The following PDE12 variants were observed in gnomAD, a reference collection of about 807,000 sequenced individuals.
The protein encoded by PDE12 is 2',5'-phosphodiesterase 12.
PDE12 carries 26 observed loss-of-function variants against 45.4 expected under a neutral mutation model. The observed-to-expected ratio is 0.57, with a 90% confidence interval of 0.42 to 0.79. The LOEUF is 0.79. Among genes scored for constraint, PDE12 ranks in the 30% least tolerant of loss-of-function variants. PDE12 has a pLI of 0.00. For synonymous variants in PDE12, 283 were observed against 323.9 expected (o/e 0.87, Z 1.36); for missense variants, 668 against 790.0 (o/e 0.85, Z 1.85).
chr3:57,603,926 A>ATTT, the PDE12 span, among the ~76,000 whole-genome samples: 1 of 125,514 alleles, frequency 8.0e-6, no homozygotes, highest in Non-Finnish European at 1.7e-5. Flanking sequence ...CCAGCCCAGA[A>ATTT]TTTTTTTTTT....
At chr3:57,654,960 A>C in the PDE12 span, 2 of 253,288 alleles carry the variant, frequency 7.9e-6, no homozygotes, top group African/African-American at 4.6e-5. Flanking sequence ...ATTAGATATT[A>C]AATGCTTGAT....
Position 57,557,015 on chromosome 3 carries a change from C to T in PDE12, c.636C>T (p.Val212=). The T allele has an allele frequency of 1.2e-6, 2 of 1,614,112 alleles. No homozygotes were observed. The highest frequency in any genetic ancestry group is 1.7e-6 in the Non-Finnish European group (2 of 1,180,018). Residue 212 remains valine (V), a synonymous_variant, in exon 1 of 3, where the codon GTC becomes GTT. Transcript: ENST00000311180. ...KPGAAEPEVG[V]PSSLSPSSPS... Reference sequence around the variant, plus strand: ...GAGCGGCGGAGCCCGAGGTCGGTGTCCCCTCGTCATTGTCTCCCTCCTCAC... The same window carrying T: ...GAGCGGCGGAGCCCGAGGTCGGTGTTCCCTCGTCATTGTCTCCCTCCTCAC...
rs2069738917 is a variant in PDE12 at position 57,562,594 on chromosome 3, A to T, written c.*2590A>T. 1 of 152,210 alleles carries T rather than the reference A, an allele frequency of 6.6e-6. No homozygotes were observed. Among genetic ancestry groups the T allele is most frequent in the South Asian group, 2.1e-4 (1 of 4,834 alleles). 9.4% of individuals were successfully genotyped at this position (152,210 alleles called of 1,614,324 possible). On this transcript the variant is annotated 3_prime_UTR_variant, in exon 3 of 3. Coordinates refer to ENST00000311180, the MANE Select transcript of PDE12 (RefSeq NM_177966.7). ...TTTTAGTACATTTAATTTTAAGAAAACATGGGAAATCTAGCGACTTTCTAT... is the reference window on the plus strand; with the variant it reads ...TTTTAGTACATTTAATTTTAAGAAATCATGGGAAATCTAGCGACTTTCTAT...
chr3:57,556,369 C>A lies in PDE12; in HGVS notation c.-11C>A, dbSNP rs771330380. On this transcript the variant is annotated 5_prime_UTR_variant, in exon 1 of 3. Coordinates refer to ENST00000311180, the MANE Select transcript of PDE12 (RefSeq NM_177966.7). This position sits in a 1 kb window ranked among gnomAD's most constrained non-coding sequence, Gnocchi z 5.0. ...GCCGCGGGTCTTGTCGACCGCTAGG[C>A]CACCAGGTTCATGTGGAGGCTCCCA... The A allele has an allele frequency of 6.4e-7, 1 of 1,553,564 alleles. No individual in the cohort carries two copies. The highest frequency in any genetic ancestry group is 1.2e-5 in the South Asian group (1 of 85,918).
At chr3:57,570,718 T>C (rs1478975296), downstream of PDE12, among the ~76,000 whole-genome samples, 3 of 152,160 alleles carry the variant, frequency 2.0e-5, no homozygotes, top group Admixed American at 1.3e-4. Flanking sequence ...GGTATACCTT[T>C]GTATGAATTA....
the PDE12 span, chr3:57,597,285 C>A: frequency 2.8e-6 from 2 of 726,452 alleles, 1 homozygote; most frequent in South Asian, 3.6e-5. Context: ...GTCTCAGTGG[C>A]CCCTGTGCCG....
chr3:57,558,079 AC>A (rs2069686307), intron 1 of PDE12, among the ~76,000 whole-genome samples: 1 of 152,180 alleles, frequency 6.6e-6, no homozygotes, highest in African/African-American at 2.4e-5. Context: ...ATAAATATAA[AC>A]TAGTTTTTTT....
At chr3:57,576,633 G>A in the PDE12 span, among the ~76,000 whole-genome samples, 121 of 151,682 alleles carry the variant, frequency 8.0e-4, 1 homozygote, top group African/African-American at 2.4e-3. Flanking sequence ...ATCTTAGGAG[G>A]AATGAACAAG....
the PDE12 span, among the ~76,000 whole-genome samples, chr3:57,650,946 G>A: frequency 7.2e-5 from 11 of 151,918 alleles, no homozygotes; most frequent in East Asian, 1.9e-4. Flanking sequence ...CACCACACCC[G>A]GCTAGTTTTG....
chr3:57,609,387 G>C, the PDE12 span, among the ~76,000 whole-genome samples: 1 of 152,114 alleles, frequency 6.6e-6, no homozygotes, highest in African/African-American at 2.4e-5. Context: ...ACTAAGATCA[G>C]AGCAGAACTG....
the PDE12 span, among the ~76,000 whole-genome samples, chr3:57,615,485 A>G: frequency 6.6e-6 from 1 of 152,156 alleles, no homozygotes; most frequent in Non-Finnish European, 1.5e-5. Flanking sequence ...TTAAAACCAA[A>G]GTAAACAAAA....
the PDE12 span, among the ~76,000 whole-genome samples, chr3:57,581,652 T>C: frequency 1.3e-5 from 2 of 152,002 alleles, no homozygotes; most frequent in African/African-American, 4.8e-5. Flanking sequence ...AATACAAAAT[T>C]AGCCAGGTGT....
At chr3:57,602,896 C>T in the PDE12 span, among the ~76,000 whole-genome samples, 5 of 152,116 alleles carry the variant, frequency 3.3e-5, no homozygotes, top group African/African-American at 1.2e-4. Flanking sequence ...ATAAAAGTTT[C>T]CCAGTTAGGC....
chr3:57,611,074 T>A, the PDE12 span, among the ~76,000 whole-genome samples: 1 of 151,884 alleles, frequency 6.6e-6, no homozygotes, highest in African/African-American at 2.4e-5. Flanking sequence ...CCCTCAGAAA[T>A]AATACACATC....
At chr3:57,592,366 T>TA in the PDE12 span, among the ~76,000 whole-genome samples, 1 of 152,038 alleles carries the variant, frequency 6.6e-6, no homozygotes, top group African/African-American at 2.4e-5. Context: ...AGGGGGCCTG[T>TA]AATCCCAGCT....
At chr3:57,590,124 TAAA>T in the PDE12 span, among the ~76,000 whole-genome samples, 5 of 145,744 alleles carry the variant, frequency 3.4e-5, no homozygotes, top group East Asian at 1.0e-3. Context: ...AATAAATAAA[TAAA>T]TAAATAAAAC....
At chr3:57,614,990 C>G in the PDE12 span, among the ~76,000 whole-genome samples, 1 of 142,856 alleles carries the variant, frequency 7.0e-6, no homozygotes, top group Admixed American at 7.2e-5. Context: ...GGGACTGTGT[C>G]TCAAAAAAAA....
chr3:57,577,479 C>T, the PDE12 span: 1 of 934,522 alleles, frequency 1.1e-6, no homozygotes, highest in Non-Finnish European at 1.7e-6. Context: ...AATGGTTAGA[C>T]ATTAGGAAGA....
At chr3:57,613,574 G>A in the PDE12 span, among the ~76,000 whole-genome samples, 7 of 151,550 alleles carry the variant, frequency 4.6e-5, no homozygotes, top group African/African-American at 1.7e-4. Flanking sequence ...TTACAGGTGT[G>A]AGCCACCATG....
Sources: allele counts gnomAD v4.1 joint callset (sites outside exome capture counted in the v4.1 genomes callset), GRCh38; gene constraint gnomAD v4.1.1; non-coding constraint Gnocchi (gnomAD v3.1); transcripts MANE v1.5; gene names NCBI Gene and HGNC (gene_info 2026-07-23, HGNC 2026-07-21).